Variants in LOC400499 observed in about 807,000 individuals in gnomAD.
the LOC400499 span, chr16:11,384,924 C>T: frequency 2.2e-5 from 27 of 1,232,164 alleles, no homozygotes; most frequent in East Asian, 6.3e-5. Context: ...CTGCAGAGGC[C>T]GGTGGGCACG....
At chr16:11,522,363 T>A in the LOC400499 span, among the ~76,000 whole-genome samples, 2 of 152,166 alleles carry the variant, frequency 1.3e-5, no homozygotes, top group Non-Finnish European at 2.9e-5. Flanking sequence ...TCTTCTAATA[T>A]CAAGGTTTCT....
chr16:11,467,414 A>G, the LOC400499 span, among the ~76,000 whole-genome samples: 1 of 151,784 alleles, frequency 6.6e-6, no homozygotes, highest in Non-Finnish European at 1.5e-5. Flanking sequence ...GTTTGAGACC[A>G]GCCTGGGCAA....
chr16:11,414,021 G>C, the LOC400499 span, among the ~76,000 whole-genome samples: 1 of 152,152 alleles, frequency 6.6e-6, no homozygotes, highest in African/African-American at 2.4e-5. Context: ...ACCCTTTGAA[G>C]GGGGCTGGGC....
the LOC400499 span, chr16:11,423,335 C>T: frequency 1.1e-3 from 448 of 398,912 alleles, 1 homozygote; most frequent in African/African-American, 8.3e-3. Context: ...CAAGATCCCA[C>T]TTGACCCCGC....
the LOC400499 span, chr16:11,467,023 G>C: frequency 6.6e-6 from 1 of 152,628 alleles, no homozygotes; most frequent in Non-Finnish European, 1.5e-5. Context: ...TATGAAATCG[G>C]CTCACTGCAA....
chr16:11,504,082 C>T, the LOC400499 span, among the ~76,000 whole-genome samples: 1 of 152,192 alleles, frequency 6.6e-6, no homozygotes, highest in East Asian at 1.9e-4. Flanking sequence ...TCTGGGCAAG[C>T]CTCTGGCCAC....
At chr16:11,420,609 G>T in the LOC400499 span, among the ~76,000 whole-genome samples, 20 of 16,180 alleles carry the variant, frequency 1.2e-3, no homozygotes, top group African/African-American at 3.8e-3. Flanking sequence ...CCCCCCCCCC[G>T]GAAAAAAACC....
At chr16:11,422,683 A>T in the LOC400499 span, among the ~76,000 whole-genome samples, 1 of 152,116 alleles carries the variant, frequency 6.6e-6, no homozygotes, top group African/African-American at 2.4e-5. Flanking sequence ...CCATGCACAA[A>T]ATAGAAATGC....
At chr16:11,428,153 G>C in the LOC400499 span, among the ~76,000 whole-genome samples, 1 of 152,062 alleles carries the variant, frequency 6.6e-6, no homozygotes, top group Non-Finnish European at 1.5e-5. Context: ...ACTAGGGGTG[G>C]ATTATTCATG....
chr16:11,483,872 C>G, the LOC400499 span, among the ~76,000 whole-genome samples: 1 of 148,236 alleles, frequency 6.7e-6, no homozygotes, highest in African/African-American at 2.5e-5. Context: ...GAGACTGTCT[C>G]AAAAAAAAGG....
chr16:11,479,961 G>C, the LOC400499 span, among the ~76,000 whole-genome samples: 2 of 152,056 alleles, frequency 1.3e-5, no homozygotes, highest in African/African-American at 4.8e-5. Context: ...AATTGAATTT[G>C]GAAATTGGGA....
the LOC400499 span, among the ~76,000 whole-genome samples, chr16:11,410,225 G>A: frequency 6.6e-6 from 1 of 152,184 alleles, no homozygotes; most frequent in Non-Finnish European, 1.5e-5. Flanking sequence ...AGGCCGAGGT[G>A]GGTGGATCAT....
At chr16:11,409,524 A>G in the LOC400499 span, among the ~76,000 whole-genome samples, 3 of 152,230 alleles carry the variant, frequency 2.0e-5, no homozygotes, top group African/African-American at 7.2e-5. Flanking sequence ...TTTACTTTAC[A>G]ATAAAAGTTT....
chr16:11,451,390 G>A, the LOC400499 span, among the ~76,000 whole-genome samples: 1 of 152,080 alleles, frequency 6.6e-6, no homozygotes, highest in Admixed American at 6.6e-5. Flanking sequence ...GTCTAGCCTG[G>A]GCAACAAAGC....
chr16:11,514,368 C>T, the LOC400499 span: 2 of 399,086 alleles, frequency 5.0e-6, no homozygotes, highest in African/African-American at 4.1e-5. Flanking sequence ...CCTGTGCCCG[C>T]TGGATCTTGG....
At chr16:11,427,689 G>A in the LOC400499 span, among the ~76,000 whole-genome samples, 1 of 152,022 alleles carries the variant, frequency 6.6e-6, no homozygotes, top group South Asian at 2.1e-4. Flanking sequence ...CAAGCAATCT[G>A]CCCTCCTCCA....
At chr16:11,523,912 A>AC in the LOC400499 span, among the ~76,000 whole-genome samples, 1 of 53,128 alleles carries the variant, frequency 1.9e-5, no homozygotes, top group African/African-American at 8.0e-5. Context: ...AACCACCCCC[A>AC]CCCCCACTCC....
At chr16:11,446,239 C>A in the LOC400499 span, among the ~76,000 whole-genome samples, 1 of 152,152 alleles carries the variant, frequency 6.6e-6, no homozygotes, top group Admixed American at 6.5e-5. Flanking sequence ...GCCTCAACAT[C>A]CTGGGCTTAA....
At chr16:11,384,079 CAGG>C in the LOC400499 span, 1 of 1,230,972 alleles carries the variant, frequency 8.1e-7, no homozygotes, top group Non-Finnish European at 1.0e-6. Context: ...CTGGCCTCAG[CAGG>C]AGACTTCCCC....
Sources: gnomAD v4.1 joint callset for allele counts (sites outside exome capture counted in the v4.1 genomes callset) on GRCh38, gnomAD v4.1.1 for gene constraint, MANE v1.5 for transcripts.